The following RBM19 variants were observed in gnomAD, a reference collection of about 807,000 sequenced individuals.
RBM19 encodes probable RNA-binding protein 19.
In RBM19, 94 loss-of-function variants were observed where a neutral mutation model predicts 116.8. The observed-to-expected ratio is 0.80, with a 90% CI of 0.68 to 0.95. The LOEUF (loss-of-function observed/expected upper bound fraction) is 0.95, where lower values mean the gene tolerates loss of function less well. Ranked by LOEUF, RBM19 falls within the 40% of genes least tolerant of loss-of-function variation. RBM19 has a pLI of 0.00. For synonymous variants in RBM19, 475 were observed against 494.1 expected (o/e 0.96, Z 0.51); for missense variants, 1,161 against 1,220.7 (o/e 0.95, Z 0.73).
intron 21 of RBM19, among the ~76,000 whole-genome samples, chr12:113,883,465 G>C (rs1471107273): frequency 6.6e-6 from 1 of 152,254 alleles, no homozygotes; most frequent in East Asian, 1.9e-4. Context: ...CCCTCTTGTA[G>C]TCCATCTTCT....
rs1422593313 is a variant in RBM19, at chr12:113,966,211, A to G, written c.17T>C (p.Val6Ala). The G allele has an allele frequency of 1.2e-6, 2 of 1,614,076 alleles. No individual in the cohort carries two copies. Among genetic ancestry groups the G allele is most frequent in the Non-Finnish European group, 1.7e-6 (2 of 1,180,030 alleles). The change falls in exon 1 of 24, where the codon GTG becomes GCG. Residue 6 changes from valine to alanine, a missense_variant. Val to Ala is a moderately conservative substitution (Grantham distance 64). Coordinates refer to ENST00000261741, the MANE Select transcript of RBM19 (RefSeq NM_016196.4). MSRLI[V>A]KNLPNGMKEE... Reference sequence around the variant, plus strand: ...ACTCACCCCATTCGGGAGATTCTTCACGATCAGTCGCGACATGGCGCAGGG... The same window carrying G: ...ACTCACCCCATTCGGGAGATTCTTCGCGATCAGTCGCGACATGGCGCAGGG...
At chr12:113,937,191 G>T in intron 15 of RBM19, 55 bp from the exon 16 acceptor site, 1 of 1,600,522 alleles carries the variant, frequency 6.2e-7, no homozygotes, top group Non-Finnish European at 8.5e-7. Context: ...CACTGCTGGG[G>T]AGGGACTCAG....
chr12:113,827,252 T>C (rs961768529), intron 23 of RBM19, among the ~76,000 whole-genome samples: 2 of 152,088 alleles, frequency 1.3e-5, no homozygotes, highest in Non-Finnish European at 2.9e-5. Context: ...AAACAACAAG[T>C]GAATGTCACC....
intron 21 of RBM19, among the ~76,000 whole-genome samples, chr12:113,876,896 G>A (rs1385427905): frequency 6.6e-6 from 1 of 152,246 alleles, no homozygotes; most frequent in African/African-American, 2.4e-5. Flanking sequence ...ATGTGGGGCA[G>A]TTTAAGAATA....
chr12:113,929,203 C>T lies in RBM19; in HGVS notation c.2069-1974G>A, dbSNP rs190842038. 2.6e-3 allele frequency among the ~76,000 whole-genome samples: 398 copies of T among 152,320 alleles called. 2 individuals carry two copies. Among genetic ancestry groups the T allele is most frequent in the Middle Eastern group, 0.01 (3 of 294 alleles). On this transcript the variant is annotated intron_variant, in intron 16 of 23. Transcript: ENST00000261741. ...GCTGCATCCCACATACTCTCACCGC[C>T]AAGCACAAAAGATGCCTCTGTCTGT...
intron 21 of RBM19, among the ~76,000 whole-genome samples, chr12:113,867,668 C>A (rs1878923881): frequency 6.6e-6 from 1 of 152,194 alleles, no homozygotes; most frequent in South Asian, 2.1e-4. Context: ...CACCTGTAAT[C>A]CTAGCACTCT....
intron 21 of RBM19, among the ~76,000 whole-genome samples, chr12:113,878,083 A>G (rs1378805720): frequency 6.6e-6 from 1 of 152,188 alleles, no homozygotes; most frequent in Non-Finnish European, 1.5e-5. Flanking sequence ...GATCTGAGAC[A>G]GAAATCACAT....
chr12:113,929,921 G>C (rs1593603501), intron 16 of RBM19, among the ~76,000 whole-genome samples: 1 of 152,346 alleles, frequency 6.6e-6, no homozygotes, highest in African/African-American at 2.4e-5. Context: ...ATAGAGAAAA[G>C]CATAGTGGGG....
Position 113,957,766 on chromosome 12 carries a change from C to T in RBM19, c.840+16G>A, listed in dbSNP as rs2290786. 0.3 allele frequency: 472,808 copies of T among 1,555,668 alleles called. 74,067 individuals carry two copies. Among genetic ancestry groups the T allele is most frequent in the Middle Eastern group, 0.38 (2,140 of 5,644 alleles). On this transcript the variant is annotated intron_variant, in intron 6 of 23. Transcript: ENST00000261741. ...AGCGCACCTCCTCCCTCATCACCTG[C>T]GGGATACACACGCACCTCGGCTCTG... is the stretch of plus-strand genomic sequence containing the variant.
rs150724878 is a variant in RBM19, at chr12:113,844,716, C to G, written c.2737G>C (p.Glu913Gln). 2.5e-6 allele frequency: 4 copies of G among 1,613,102 alleles called. No homozygotes were observed. The African/African-American group carries it at 5.3e-5, about 22-fold the overall frequency. Residue 913 changes from glutamate (E) to glutamine (Q), a missense_variant, in exon 23 of 24, where the codon GAG becomes CAG. Physicochemically the swap from Glu to Gln is conservative, Grantham distance 29. Coordinates refer to ENST00000261741, the MANE Select transcript of RBM19 (RefSeq NM_016196.4). ...RRLVLEWADS[E>Q]VTLQALRRKT... ...CGCCGCAGGGCCTGCAGGGTCACCT[C>G]GGAGTCGGCCCACTCCAGCACCAGC...
rs373596141 is a variant in RBM19 at position 113,962,217 on chromosome 12, C to T, written c.219+15G>A. The stretch of plus-strand genomic sequence containing the variant: ...ACTTGACAGGAAGGTAAGGGTGAGA[C>T]TCCTGCCCACTCACTGTGATCCGGG... On this transcript the variant is annotated intron_variant, in intron 2 of 23. Coordinates refer to ENST00000261741, the MANE Select transcript of RBM19 (RefSeq NM_016196.4). The T allele has an allele frequency of 4.3e-5, 70 of 1,613,538 alleles. No homozygotes were observed. The highest frequency in any genetic ancestry group is 5.7e-5 in the Non-Finnish European group (67 of 1,179,522).
chr12:113,933,471 G>T (rs73210914), intron 16 of RBM19, among the ~76,000 whole-genome samples: 1 of 152,168 alleles, frequency 6.6e-6, no homozygotes, highest in Non-Finnish European at 1.5e-5. Context: ...CACCGATGAC[G>T]CGGGACACAG....
chr12:113,956,941 G>A (rs1871997003), intron 6 of RBM19, among the ~76,000 whole-genome samples: 1 of 152,202 alleles, frequency 6.6e-6, no homozygotes, highest in African/African-American at 2.4e-5. Flanking sequence ...CTAGTGTGTA[G>A]CGCAGGCTCA....
At chr12:113,886,093 T>C (rs1274856319) in intron 21 of RBM19, among the ~76,000 whole-genome samples, 1 of 152,006 alleles carries the variant, frequency 6.6e-6, no homozygotes. Flanking sequence ...GGATGGTCTC[T>C]ATCTCTTGAC....
chr12:113,890,912 C>T (rs536519921), intron 21 of RBM19, among the ~76,000 whole-genome samples: 72 of 152,220 alleles, frequency 4.7e-4, no homozygotes, highest in South Asian at 1.5e-3. Flanking sequence ...CTCAGCCTTC[C>T]GAGTAGCTGG....
chr12:113,914,819 TA>T, intron 21 of RBM19, 149 bp downstream of exon 21: 1 of 730,816 alleles, frequency 1.4e-6, no homozygotes, highest in Non-Finnish European at 2.4e-6. Context: ...TTAAGGGAGA[TA>T]AATCAAAAGC....
rs7954455 is a variant in RBM19, at chr12:113,892,936, A to T, written c.2558+22033T>A. ...AGTGCCTAAAAACTCACCAATAATG[A>T]TCTTTATTTTGGGTGCATTTCCTTC... On this transcript the variant is annotated intron_variant, in intron 21 of 23. Coordinates refer to ENST00000261741, the MANE Select transcript of RBM19 (RefSeq NM_016196.4). 8.3e-3 allele frequency among the ~76,000 whole-genome samples: 1,266 copies of T among 151,996 alleles called. 14 individuals carry two copies. The highest frequency in any genetic ancestry group is 0.026 in the African/African-American group (1,067 of 41,424).
intron 16 of RBM19, among the ~76,000 whole-genome samples, chr12:113,928,667 A>C (rs1008636486): frequency 1.7e-5 from 1 of 58,408 alleles, no homozygotes; most frequent in Admixed American, 1.9e-4. Context: ...GTGTGTCTGC[A>C]GCTCAGGGAG....
chr12:113,917,847 G>A (rs1882866956), intron 20 of RBM19, among the ~76,000 whole-genome samples: 1 of 152,236 alleles, frequency 6.6e-6, no homozygotes, highest in South Asian at 2.1e-4. Flanking sequence ...GAGGTGCAAA[G>A]ATAAATCTCC....
Sources: gnomAD v4.1 joint callset for allele counts (sites outside exome capture counted in the v4.1 genomes callset) on GRCh38, gnomAD v4.1.1 for gene constraint, MANE v1.5 for transcripts, NCBI Gene and HGNC (gene_info 2026-07-23, HGNC 2026-07-21) for gene names.